The following CADPS variants were observed in gnomAD, a reference collection of about 807,000 sequenced individuals.
CADPS encodes calcium-dependent secretion activator 1.
In CADPS, 57 loss-of-function variants were observed where a neutral mutation model predicts 167.3. That is an observed-to-expected ratio of 0.34 (90% CI 0.28 to 0.42). The LOEUF is 0.42. Ranked by LOEUF, CADPS falls within the 20% of genes least tolerant of loss-of-function variation. CADPS has a pLI of 1.00. For synonymous variants in CADPS, 676 were observed against 635.3 expected, an observed-to-expected ratio of 1.06 and a Z score of -0.96; for missense variants, 1,414 against 1,738.1, an observed-to-expected ratio of 0.81 and a Z score of 3.32.
intron 3 of CADPS, among the ~76,000 whole-genome samples, chr3:62,746,483 C>T (rs1021634983): frequency 2.0e-5 from 3 of 152,132 alleles, no homozygotes; most frequent in African/African-American, 7.2e-5. Context: ...ACCACAGGTA[C>T]ATGCCACCAT....
intron 13 of CADPS, among the ~76,000 whole-genome samples, chr3:62,527,530 G>A (rs1031514942): frequency 6.6e-6 from 1 of 152,280 alleles, no homozygotes; most frequent in Non-Finnish European, 1.5e-5. Context: ...ATACATCCCA[G>A]TGTTTGAAAT....
At chr3:62,815,433 G>A (rs574958127) in intron 1 of CADPS, among the ~76,000 whole-genome samples, 22 of 152,130 alleles carry the variant, frequency 1.4e-4, no homozygotes, top group Admixed American at 1.3e-3. Context: ...CCAGGGGTGG[G>A]GGAGAAGTGA....
chr3:62,533,369 C>A (rs552282096), intron 12 of CADPS, among the ~76,000 whole-genome samples: 1 of 152,198 alleles, frequency 6.6e-6, no homozygotes, highest in Admixed American at 6.5e-5. Flanking sequence ...GTCTCACCTA[C>A]TGCTTGAACA....
intron 9 of CADPS, among the ~76,000 whole-genome samples, chr3:62,568,189 A>C (rs2080633143): frequency 6.6e-6 from 1 of 152,212 alleles, no homozygotes; most frequent in South Asian, 2.1e-4. Context: ...CCATGGTTCC[A>C]GGACTTGTGA....
chr3:62,700,786 C>T (rs1474320382), intron 3 of CADPS, among the ~76,000 whole-genome samples: 1 of 152,226 alleles, frequency 6.6e-6, no homozygotes, highest in East Asian at 1.9e-4. Context: ...CAAGGCTGCA[C>T]AGTTAGTAGT....
At chr3:62,721,144 AAG>A (rs1564300425) in intron 3 of CADPS, among the ~76,000 whole-genome samples, 6 of 102,274 alleles carry the variant, frequency 5.9e-5, no homozygotes, top group Non-Finnish European at 1.1e-4. Flanking sequence ...TAAAAAAAAA[AAG>A]AAGAAAAAAG....
chr3:62,444,926 C>A (rs1391153663), intron 27 of CADPS, among the ~76,000 whole-genome samples: 2 of 152,098 alleles, frequency 1.3e-5, no homozygotes, highest in Non-Finnish European at 1.5e-5. Flanking sequence ...TTGAGATAAG[C>A]TCTCTAAATT....
At chr3:62,578,368 T>C (rs2082710084) in intron 8 of CADPS, among the ~76,000 whole-genome samples, 1 of 151,938 alleles carries the variant, frequency 6.6e-6, no homozygotes, top group African/African-American at 2.4e-5. Context: ...CCCAGCACTT[T>C]GGGAGGCTGA....
chr3:62,700,995 G>C (rs1159303198), intron 3 of CADPS, among the ~76,000 whole-genome samples: 1 of 152,052 alleles, frequency 6.6e-6, no homozygotes, highest in Non-Finnish European at 1.5e-5. Flanking sequence ...ATCTTCACAA[G>C]ATGGTGGAAA....
intron 6 of CADPS, among the ~76,000 whole-genome samples, chr3:62,642,647 C>T (rs946404117): frequency 1.3e-5 from 2 of 152,304 alleles, no homozygotes; most frequent in African/African-American, 2.4e-5. Flanking sequence ...GTGGCCCATG[C>T]CTGAATCCTT....
intron 28 of CADPS, among the ~76,000 whole-genome samples, chr3:62,408,864 C>T (rs2048400634): frequency 6.6e-6 from 1 of 152,170 alleles, no homozygotes; most frequent in African/African-American, 2.4e-5. Context: ...ATCCCTTTAA[C>T]TTACACAAAC....
At chr3:62,855,604 A>T (rs1185038048) in intron 1 of CADPS, among the ~76,000 whole-genome samples, 1 of 152,190 alleles carries the variant, frequency 6.6e-6, no homozygotes, top group African/African-American at 2.4e-5. Flanking sequence ...AATATTTTTT[A>T]AAATTATGGT....
At chr3:62,843,293 T>G (rs756131795) in intron 1 of CADPS, among the ~76,000 whole-genome samples, 27 of 152,242 alleles carry the variant, frequency 1.8e-4, no homozygotes, top group Non-Finnish European at 3.2e-4. Flanking sequence ...TATTTTCTTA[T>G]TCTTTGTTTA....
intron 3 of CADPS, among the ~76,000 whole-genome samples, chr3:62,667,648 A>T (rs2074716775): frequency 2.0e-5 from 3 of 152,154 alleles, no homozygotes; most frequent in Admixed American, 2.0e-4. Flanking sequence ...CACATGAGCA[A>T]GAAATCCTAC....
intron 1 of CADPS, among the ~76,000 whole-genome samples, chr3:62,821,849 G>A (rs954972114): frequency 6.6e-6 from 1 of 152,072 alleles, no homozygotes; most frequent in Admixed American, 6.5e-5. Flanking sequence ...CATAAGACCT[G>A]GACTCTTATG....
At chr3:62,703,850 A>G (rs1490813843) in intron 3 of CADPS, among the ~76,000 whole-genome samples, 2 of 152,136 alleles carry the variant, frequency 1.3e-5, no homozygotes, top group Non-Finnish European at 2.9e-5. Flanking sequence ...CGGCACATAA[A>G]AAACAATGTT....
At chr3:62,510,822 A>T (rs1449779572) in intron 17 of CADPS, among the ~76,000 whole-genome samples, 1 of 152,156 alleles carries the variant, frequency 6.6e-6, no homozygotes, top group African/African-American at 2.4e-5. Flanking sequence ...TCATTAAGAA[A>T]ATTGAAAAGG....
At chr3:62,448,866 G>A (rs754253288) in intron 26 of CADPS, among the ~76,000 whole-genome samples, 32 of 152,116 alleles carry the variant, frequency 2.1e-4, no homozygotes, top group Non-Finnish European at 4.1e-4. Context: ...TGCCTGCCTC[G>A]GCCTCCCAAA....
intron 24 of CADPS, chr3:62,470,476 T>A (rs1173357405): frequency 6.6e-6 from 1 of 152,234 alleles, no homozygotes; most frequent in Non-Finnish European, 1.5e-5. Flanking sequence ...AGATGAATAT[T>A]CCCATTCTAC....
Sources: allele counts gnomAD v4.1 joint callset (sites outside exome capture counted in the v4.1 genomes callset), GRCh38; gene constraint gnomAD v4.1.1; transcripts MANE v1.5; gene names NCBI Gene and HGNC (gene_info 2026-07-23, HGNC 2026-07-21).